The following EBF1 variants were observed in gnomAD, a reference collection of about 807,000 sequenced individuals.
The protein encoded by EBF1 is transcription factor COE1.
EBF1 carries 10 observed loss-of-function variants against 68.4 expected under a neutral mutation model. The observed-to-expected ratio is 0.15, with a 90% CI of 0.09 to 0.25. The LOEUF is 0.25. Among genes scored for constraint, EBF1 ranks in the 10% least tolerant of loss-of-function variants. The pLI is 1.00. For synonymous variants in EBF1, 298 were observed against 299.8 expected (o/e 0.99, Z 0.06); for missense variants, 509 against 794.4 (o/e 0.64, Z 4.32).
intron 6 of EBF1, among the ~76,000 whole-genome samples, chr5:158,918,189 C>T (rs1306741919): frequency 3.3e-5 from 5 of 152,188 alleles, no homozygotes; most frequent in African/African-American, 1.2e-4. Flanking sequence ...GATTAAAAAG[C>T]CCTCAAACTA....
intron 6 of EBF1, among the ~76,000 whole-genome samples, chr5:158,961,086 C>A (rs113289624): frequency 1.4e-4 from 21 of 152,248 alleles, no homozygotes; most frequent in African/African-American, 4.6e-4. Context: ...AATATTCGAG[C>A]TCAGTATTCA....
At chr5:158,883,931 C>A (rs1356422505) in intron 6 of EBF1, among the ~76,000 whole-genome samples, 1 of 152,146 alleles carries the variant, frequency 6.6e-6, no homozygotes, top group Non-Finnish European at 1.5e-5. Flanking sequence ...CCCAGCACAG[C>A]AAAAAGTTAG....
intron 6 of EBF1, among the ~76,000 whole-genome samples, chr5:158,909,956 TAA>T (rs59274919): frequency 2.7e-3 from 124 of 46,720 alleles, no homozygotes; most frequent in East Asian, 0.016. Context: ...ACTCTGTCTA[TAA>T]AAAAAAAAAA....
chr5:158,989,935 G>T (rs915149283), intron 6 of EBF1, among the ~76,000 whole-genome samples: 5 of 151,980 alleles, frequency 3.3e-5, no homozygotes, highest in African/African-American at 1.2e-4. Context: ...CTTGGCAGGG[G>T]GAATAAAACA....
Position 158,820,757 on chromosome 5 carries a change from G to A in EBF1, c.778+2419C>T, listed in dbSNP as rs1261676513. 2.0e-5 allele frequency among the ~76,000 whole-genome samples: 3 copies of A among 152,122 alleles called. No homozygotes were observed. In the East Asian group the frequency reaches 5.8e-4, roughly 29 times the overall value. ...TCTGTGGACTCATAAACTGAAGCAG[G>A]TGAATAAAATGCTGACTTTAAAACT... On this transcript the variant is annotated intron_variant, in intron 8 of 15. Coordinates refer to ENST00000313708, the MANE Select transcript of EBF1 (RefSeq NM_024007.5).
At chr5:158,854,240 T>C (rs1793534096) in intron 6 of EBF1, among the ~76,000 whole-genome samples, 1 of 152,160 alleles carries the variant, frequency 6.6e-6, no homozygotes, top group Admixed American at 6.5e-5. Flanking sequence ...TTGTGCCCAT[T>C]TTAAAATAAA....
chr5:158,771,475 AG>A (rs1773874949), intron 10 of EBF1, among the ~76,000 whole-genome samples: 1 of 152,124 alleles, frequency 6.6e-6, no homozygotes. Context: ...TGTTATCCAG[AG>A]GACAAAAATC....
At chr5:158,723,487 A>G (rs768250409) in intron 11 of EBF1, among the ~76,000 whole-genome samples, 1 of 152,176 alleles carries the variant, frequency 6.6e-6, no homozygotes, top group Non-Finnish European at 1.5e-5. Context: ...ATCAGGCAAT[A>G]ACCAGCAATA....
At chr5:158,997,360 C>T (rs1030171405) in intron 6 of EBF1, among the ~76,000 whole-genome samples, 6 of 152,130 alleles carry the variant, frequency 3.9e-5, no homozygotes, top group Admixed American at 2.0e-4. Context: ...AGCCCCATTC[C>T]GAATAAATAC....
At chr5:158,913,000 A>G (rs1047642094) in intron 6 of EBF1, among the ~76,000 whole-genome samples, 2 of 152,332 alleles carry the variant, frequency 1.3e-5, no homozygotes, top group African/African-American at 4.8e-5. Context: ...ACATTCTGAT[A>G]TAATCAACAT....
chr5:158,856,594 A>G (rs946319208), intron 6 of EBF1, among the ~76,000 whole-genome samples: 3 of 109,230 alleles, frequency 2.7e-5, no homozygotes, highest in Non-Finnish European at 6.6e-5. Context: ...CTTTAGAAAA[A>G]TAATAATGAG....
chr5:159,038,996 T>G (rs1179495759), intron 6 of EBF1, among the ~76,000 whole-genome samples: 1 of 152,216 alleles, frequency 6.6e-6, no homozygotes, highest in South Asian at 2.1e-4. Flanking sequence ...TGAGATGGAA[T>G]GTTTACTTCC....
chr5:158,958,992 A>G (rs1409512569), intron 6 of EBF1, among the ~76,000 whole-genome samples: 1 of 152,234 alleles, frequency 6.6e-6, no homozygotes, highest in Non-Finnish European at 1.5e-5. Context: ...TGAACTGGCT[A>G]CTTAAACAAT....
chr5:158,896,688 T>C (rs963908163), intron 6 of EBF1, among the ~76,000 whole-genome samples: 2 of 152,192 alleles, frequency 1.3e-5, no homozygotes, highest in African/African-American at 2.4e-5. Flanking sequence ...GTCACGTGGG[T>C]GGTTGCTTTA....
chr5:159,039,615 A>C (rs1019291384), intron 6 of EBF1, among the ~76,000 whole-genome samples: 30 of 152,238 alleles, frequency 2.0e-4, no homozygotes, highest in African/African-American at 7.0e-4. Flanking sequence ...CTTCGCTATT[A>C]AATAACTTTT....
intron 8 of EBF1, among the ~76,000 whole-genome samples, chr5:158,810,139 C>T (rs1782374241): frequency 1.3e-5 from 2 of 152,072 alleles, no homozygotes; most frequent in African/African-American, 2.4e-5. Flanking sequence ...GATGATTCCG[C>T]CAGAAGATTT....
intron 6 of EBF1, among the ~76,000 whole-genome samples, chr5:158,939,980 C>T (rs192405944): frequency 6.6e-6 from 1 of 152,270 alleles, no homozygotes; most frequent in East Asian, 1.9e-4. Context: ...ACCCTCTTAC[C>T]ACTCTCCTCA....
At chr5:158,930,597 C>T (rs1810668182) in intron 6 of EBF1, among the ~76,000 whole-genome samples, 1 of 152,092 alleles carries the variant, frequency 6.6e-6, no homozygotes, top group South Asian at 2.1e-4. Flanking sequence ...TAAAATGGTT[C>T]CAGTCTCCCA....
chr5:158,917,800 C>T (rs904570355), intron 6 of EBF1, among the ~76,000 whole-genome samples: 3 of 152,182 alleles, frequency 2.0e-5, no homozygotes, highest in African/African-American at 7.2e-5. Context: ...CCCAAACTCC[C>T]TCTTTTTCCT....
Sources: allele counts gnomAD v4.1 joint callset (sites outside exome capture counted in the v4.1 genomes callset), GRCh38; gene constraint gnomAD v4.1.1; transcripts MANE v1.5; gene names NCBI Gene and HGNC (gene_info 2026-07-23, HGNC 2026-07-21).